GPR33: variants seen among roughly 807,000 people sequenced by gnomAD.
GPR33 encodes the protein probable G protein-coupled receptor 33.
Under a neutral mutation model 3.1 loss-of-function variants are expected in GPR33, and 4 were observed. The observed-to-expected ratio is 1.29, with a 90% CI of 0.64 to 2.96. The LOEUF is 2.96. GPR33 is among the 30% of genes most tolerant of loss of function. The pLI is 0.01. For synonymous variants in GPR33, 138 were observed against 142.0 expected (o/e 0.97, Z 0.20); for missense variants, 390 against 388.9 (o/e 1.00, Z -0.02).
chr14:31,487,021 T>C (rs1180969422), intron 1 of GPR33, among the ~76,000 whole-genome samples: 1 of 152,164 alleles, frequency 6.6e-6, no homozygotes, highest in Non-Finnish European at 1.5e-5. Flanking sequence ...GTAGTGTTTG[T>C]GTGTTTGTGT....
At position 31,483,145 on chromosome 14, in the gene GPR33, G is replaced by A; in HGVS notation, c.821C>T (p.Ser274Leu). The change falls in exon 2 of 2, where the codon TCA becomes TTA. Residue 274 changes from serine to leucine, a missense_variant. Coordinates refer to ENST00000399285, the MANE Select transcript of GPR33 (RefSeq NM_001197184.3). ...TATCAAAGTCAACTCTAAAAGTAGT[G>A]ACTGGTTCGTAGTGAGAAGTAAGCC... ...HQGLLLTTNQ[S>L]LLLELTLILT... The A allele has an allele frequency of 6.5e-7, 1 of 1,536,072 alleles. No individual in the cohort carries two copies. Among genetic ancestry groups the A allele is most frequent in the Non-Finnish European group, 8.7e-7 (1 of 1,146,866 alleles).
In GPR33 at chr14:31,483,272, C is replaced by T; in HGVS notation, c.694G>A (p.Val232Met). The part of the protein sequence containing the change: ...IFCYERVASK[V>M]KERSLFKSSK... Reference sequence around the variant, plus strand: ...GATTTAAACAGGCTCCTCTCTTTCACCTTGCTGGCTACTCTTTCATAACAA... The same window carrying T: ...GATTTAAACAGGCTCCTCTCTTTCATCTTGCTGGCTACTCTTTCATAACAA... Residue 232 changes from valine to methionine, a missense_variant, in exon 2 of 2, where the codon GTG becomes ATG. Val to Met is a conservative substitution (Grantham distance 21, BLOSUM62 1). Coordinates refer to ENST00000399285, the MANE Select transcript of GPR33 (RefSeq NM_001197184.3). 1.3e-6 allele frequency: 2 copies of T among 1,536,124 alleles called. No individual in the cohort carries two copies. The highest frequency in any genetic ancestry group is 1.7e-6 in the Non-Finnish European group (2 of 1,146,914).
chr14:31,484,798 A>G (rs759140228), intron 1 of GPR33, among the ~76,000 whole-genome samples: 16 of 152,204 alleles, frequency 1.1e-4, no homozygotes, highest in South Asian at 2.1e-4. Context: ...TATATATAGT[A>G]AATACTATTG....
rs748765550 is a variant in GPR33, at chr14:31,483,347, T to C, written c.619A>G (p.Ile207Val). 1.3e-6 allele frequency: 2 copies of C among 1,536,186 alleles called. No homozygotes were observed. Among genetic ancestry groups the C allele is most frequent in the South Asian group, 2.4e-5 (2 of 84,060 alleles). Residue 207 changes from isoleucine (I) to valine (V), a missense_variant, in exon 2 of 2, where the codon ATC becomes GTC. Ile to Val is a conservative substitution (Grantham distance 29). Coordinates refer to ENST00000399285, the MANE Select transcript of GPR33 (RefSeq NM_001197184.3). ...SRQWIHVACF[I>V]SRFLLGFLLP... Reference sequence around the variant, plus strand: ...AGAAAGCCCAGCAAGAAGCGGCTGATGAAACAGGCCACATGAATCCACTGC... The same window carrying C: ...AGAAAGCCCAGCAAGAAGCGGCTGACGAAACAGGCCACATGAATCCACTGC...
At chr14:31,484,049 T>A in intron 1 of GPR33, 78 bp from the exon 2 acceptor site, 1 of 1,155,876 alleles carries the variant, frequency 8.7e-7, no homozygotes, top group South Asian at 1.7e-5. Flanking sequence ...TAAAGAGTAA[T>A]TTTTTACATA....
In GPR33 at chr14:31,485,624, C is replaced by T. The variant is rs1051074953; in HGVS notation, c.-6-1653G>A. On this transcript the variant is annotated intron_variant, in intron 1 of 1. Coordinates refer to ENST00000399285, the MANE Select transcript of GPR33 (RefSeq NM_001197184.3). ...CCTGCATTCCAGCCTGGTGACAGAG[C>T]GAGACTCTGTCTCAAAAAAAAAAAA... is the stretch of plus-strand genomic sequence containing the variant. Among the ~76,000 whole-genome samples, 4 of 138,782 alleles carry T rather than the reference C, an allele frequency of 2.9e-5. No individual in the cohort carries two copies. In the East Asian group the frequency reaches 8.4e-4, roughly 29 times the overall value. The allele number at this position is 138,782 out of a possible 152,430, so 91.0% of individuals were successfully genotyped here.
chr14:31,485,275 CA>C (rs1418260074), intron 1 of GPR33, among the ~76,000 whole-genome samples: 1 of 151,628 alleles, frequency 6.6e-6, no homozygotes, highest in South Asian at 2.1e-4. Flanking sequence ...GAGGAGGGGA[CA>C]AAAAGGAGAA....
chr14:31,483,266 C>T lies in GPR33; in HGVS notation c.700G>A (p.Glu234Lys). 6.5e-7 allele frequency: 1 copy of T among 1,536,164 alleles called. No individual in the cohort carries two copies. The highest frequency in any genetic ancestry group is 1.4e-5 in the African/African-American group (1 of 73,180). The change falls in exon 2 of 2, where the codon GAG becomes AAG. Residue 234 changes from glutamate to lysine, a missense_variant. Transcript: ENST00000399285. ...CYERVASKVK[E>K]RSLFKSSKPF... is the part of the protein sequence containing the mutation. The stretch of plus-strand genomic sequence containing the variant: ...TTGCTGGATTTAAACAGGCTCCTCT[C>T]TTTCACCTTGCTGGCTACTCTTTCA...
rs1440300678 is a variant in GPR33 at position 31,483,000 on chromosome 14, A to G, written c.966T>C (p.Phe322=). ...TCCTTTCTACAGAAGAATCTTCACT[A>G]AATGTTGACTCAAACAGAGCAAGAA... ...KSILALFEST[F]SEDSSVERTQ... The change falls in exon 2 of 2, where the codon TTT becomes TTC. Residue 322 remains phenylalanine (F), a synonymous_variant. Coordinates refer to ENST00000399285, the MANE Select transcript of GPR33 (RefSeq NM_001197184.3). 8 of 1,529,094 alleles carry G rather than the reference A, an allele frequency of 5.2e-6. No individual in the cohort carries two copies. The Admixed American group carries it at 1.6e-4, about 31-fold the overall frequency. The allele number at this position is 1,529,094 out of a possible 1,614,324, so 94.7% of individuals were successfully genotyped here. A position where few individuals can be genotyped will look rare whatever the true frequency, so the allele number is the denominator to read the frequency against.
At chr14:31,486,904 GA>G (rs2032424742) in intron 1 of GPR33, among the ~76,000 whole-genome samples, 1 of 152,146 alleles carries the variant, frequency 6.6e-6, no homozygotes, top group African/African-American at 2.4e-5. Flanking sequence ...AGTATGTGTA[GA>G]GGTGTGTCTG....
chr14:31,485,018 C>A (rs1028544381), intron 1 of GPR33, among the ~76,000 whole-genome samples: 17 of 151,764 alleles, frequency 1.1e-4, no homozygotes, highest in African/African-American at 4.1e-4. Flanking sequence ...TTACTGCAAA[C>A]TCTGCTTCCT....
chr14:31,483,691 T>C lies in GPR33; in HGVS notation c.275A>G (p.Asn92Ser). The change falls in exon 2 of 2, where the codon AAT becomes AGT. Residue 92 changes from asparagine to serine, a missense_variant. Physicochemically the swap from Asn to Ser is conservative, Grantham distance 46 (BLOSUM62 1). Transcript: ENST00000399285. ...CAAGGCAGTTCCAAAGTTCCAGTGA[T>C]TGTCTTGAAGTTGGGAGGTGGCCAT... The part of the protein sequence containing the change: ...PFMATSQLQD[N>S]HWNFGTALCK... The C allele has an allele frequency of 6.5e-7, 1 of 1,536,064 alleles. No homozygotes were observed.
intron 1 of GPR33, among the ~76,000 whole-genome samples, chr14:31,487,006 T>C (rs1008331089): frequency 2.0e-5 from 3 of 152,158 alleles, no homozygotes; most frequent in African/African-American, 7.2e-5. Flanking sequence ...GGAATGTGTG[T>C]ATGTGTAGTG....
In GPR33 at chr14:31,487,176, T is replaced by C. The variant is rs1595233474; in HGVS notation, c.-7+721A>G. On this transcript the variant is annotated intron_variant, in intron 1 of 1. Transcript: ENST00000399285. ...ACATGGGCAAAATCATAGTAAAACT[T>C]TTCTGATCAATGTTGGTAGTGATTC... 2.0e-5 allele frequency among the ~76,000 whole-genome samples: 3 copies of C among 152,266 alleles called. No individual in the cohort carries two copies. The East Asian group carries it at 5.8e-4, about 29-fold the overall frequency.
intron 1 of GPR33, among the ~76,000 whole-genome samples, chr14:31,486,275 C>T (rs2032418379): frequency 6.6e-6 from 1 of 151,910 alleles, no homozygotes; most frequent in South Asian, 2.1e-4. Context: ...TTTTAAAATT[C>T]TTTGTAGAGA....
chr14:31,484,953 T>C (rs77598258), intron 1 of GPR33, among the ~76,000 whole-genome samples: 3 of 151,968 alleles, frequency 2.0e-5, no homozygotes, highest in Non-Finnish European at 4.4e-5. Context: ...TTTTTTTTTT[T>C]GAGTCAGAGT....
At chr14:31,485,136 A>G (rs2032405272) in intron 1 of GPR33, among the ~76,000 whole-genome samples, 1 of 151,708 alleles carries the variant, frequency 6.6e-6, no homozygotes, top group African/African-American at 2.4e-5. Flanking sequence ...GGGTTTTGCC[A>G]TGTTGGCCAG....
At chr14:31,487,244 C>T (rs1386291556) in intron 1 of GPR33, among the ~76,000 whole-genome samples, 1 of 152,042 alleles carries the variant, frequency 6.6e-6, no homozygotes, top group African/African-American at 2.4e-5. Context: ...ATTTATTGCA[C>T]ATAACCAGGA....
chr14:31,487,368 A>AC (rs1253310220), intron 1 of GPR33, among the ~76,000 whole-genome samples: 3 of 146,796 alleles, frequency 2.0e-5, no homozygotes, highest in Admixed American at 1.4e-4. Flanking sequence ...TCCTACCTCT[A>AC]CCACTTACCA....
Sources: gnomAD v4.1 joint callset for allele counts (sites outside exome capture counted in the v4.1 genomes callset) on GRCh38, gnomAD v4.1.1 for gene constraint, MANE v1.5 for transcripts, NCBI Gene and HGNC (gene_info 2026-07-23, HGNC 2026-07-21) for gene names.